Variants in SMARCA1 observed in about 807,000 individuals in gnomAD.
The protein encoded by SMARCA1 is SWI/SNF-related matrix-associated actin-dependent regulator of chromatin subfamily A member 1.
Under a neutral mutation model 93.6 loss-of-function variants are expected in SMARCA1, and 17 were observed. The ratio of observed to expected loss-of-function variants is 0.18; its 90% CI spans 0.12 to 0.27. The LOEUF (loss-of-function observed/expected upper bound fraction) is 0.27, where lower values mean the gene tolerates loss of function less well. Ranked by LOEUF, SMARCA1 falls within the 10% of genes least tolerant of loss-of-function variation. The pLI, the probability that SMARCA1 is intolerant of heterozygous loss-of-function variation, is 1.00. For missense variants in SMARCA1, 630 were observed against 819.0 expected (o/e 0.77, Z 2.82); for synonymous variants, 271 against 271.4 (o/e 1.00, Z 0.01).
At chrX:129,464,483 T>C (rs755464241) in intron 23 of SMARCA1, among the ~76,000 whole-genome samples, 1 of 112,606 alleles carries the variant, frequency 8.9e-6, no homozygotes, top group Admixed American at 9.4e-5. Context: ...ATGTGTTGCA[T>C]GTATTTCAAA....
intron 5 of SMARCA1, among the ~76,000 whole-genome samples, chrX:129,514,011 C>CATTTTATTA (rs1935103310): frequency 8.9e-6 from 1 of 112,692 alleles, no homozygotes; most frequent in Admixed American, 9.4e-5. Context: ...TCTTAAATCG[C>CATTTTATTA]ATTTTATTAA....
chrX:129,464,168 A>T (rs1026694906), intron 23 of SMARCA1, among the ~76,000 whole-genome samples: 8 of 111,955 alleles, frequency 7.1e-5, no homozygotes, highest in Non-Finnish European at 1.5e-4. Context: ...CTTCTAAAGC[A>T]TCTGCCAAAA....
At chrX:129,521,574 T>C (rs747272332) in intron 1 of SMARCA1, among the ~76,000 whole-genome samples, 1 of 111,667 alleles carries the variant, frequency 9.0e-6, no homozygotes, top group South Asian at 3.8e-4. Flanking sequence ...TCTCCCGTTT[T>C]TTCACAATAC....
chrX:129,467,586 T>C (rs1932948621), intron 21 of SMARCA1, among the ~76,000 whole-genome samples: 1 of 110,667 alleles, frequency 9.0e-6, no homozygotes, highest in African/African-American at 3.3e-5. Context: ...AATGTTATAT[T>C]ATATGTAATA....
chrX:129,476,945 T>C (rs993369157), intron 19 of SMARCA1, among the ~76,000 whole-genome samples: 4 of 111,847 alleles, frequency 3.6e-5, no homozygotes, highest in Admixed American at 9.5e-5. Context: ...TAGTTCCTAG[T>C]AAAGAATGGA....
At chrX:129,469,736 G>C (rs909869288) in intron 20 of SMARCA1, among the ~76,000 whole-genome samples, 1 of 111,810 alleles carries the variant, frequency 8.9e-6, no homozygotes, top group South Asian at 3.7e-4. Flanking sequence ...CATATACTAG[G>C]AGAAGCAGAA....
intron 23 of SMARCA1, among the ~76,000 whole-genome samples, chrX:129,458,413 T>C (rs1028857076): frequency 8.9e-6 from 1 of 112,231 alleles, no homozygotes; most frequent in Non-Finnish European, 1.9e-5. Flanking sequence ...TTTTAATGGT[T>C]TATGATTCTA....
At chrX:129,466,548 GGGAAGCTGAGGC>G (rs1373671951) in intron 21 of SMARCA1, among the ~76,000 whole-genome samples, 4 of 110,687 alleles carry the variant, frequency 3.6e-5, no homozygotes, top group Non-Finnish European at 7.6e-5. Context: ...GCAGCTACTC[GGGAAGCTGAGGC>G]GGGAGAATTG....
intron 21 of SMARCA1, among the ~76,000 whole-genome samples, chrX:129,466,198 C>T (rs376881413): frequency 4.5e-5 from 5 of 111,272 alleles, no homozygotes; most frequent in Non-Finnish European, 9.4e-5. Flanking sequence ...TGAAATAGTA[C>T]GGAGTCTTAC....
chrX:129,509,731 T>C (rs1934958715), intron 6 of SMARCA1, among the ~76,000 whole-genome samples: 2 of 111,502 alleles, frequency 1.8e-5, no homozygotes, highest in African/African-American at 6.5e-5. Context: ...GAAGACTCAC[T>C]CAACCCTACA....
intron 8 of SMARCA1, 52 bp downstream of exon 8, chrX:129,506,028 C>T (rs1934796984): frequency 1.6e-5 from 15 of 942,592 alleles, no homozygotes; most frequent in Non-Finnish European, 2.2e-5. Context: ...TTTTAAAACA[C>T]ATGTCAGTGA....
intron 19 of SMARCA1, among the ~76,000 whole-genome samples, chrX:129,479,524 G>A (rs1282514551): frequency 9.1e-6 from 1 of 109,568 alleles, no homozygotes; most frequent in Non-Finnish European, 1.9e-5. Context: ...AGCTTTTCTA[G>A]GCACATTCCA....
At chrX:129,489,111 A>G (rs374623574) in intron 15 of SMARCA1, 26 bp from the exon 16 acceptor site, 1 of 1,024,936 alleles carries the variant, frequency 9.8e-7, no homozygotes, top group African/African-American at 1.8e-5. Flanking sequence ...GAAATTGTAC[A>G]TATTCAATCA....
chrX:129,474,005 G>C lies in SMARCA1; in HGVS notation c.2443-2679C>G, dbSNP rs772223633. Among the ~76,000 whole-genome samples the C allele has an allele frequency of 2.7e-5, 3 of 111,817 alleles. No homozygotes were observed. In the South Asian group the frequency reaches 1.1e-3, roughly 42 times the overall value. ...GACTCTGGATAATGACATGCATGTT[G>C]AAGTGTTTCTGGGTAAAATGTACTT... On this transcript the variant is annotated intron_variant, in intron 19 of 24. Coordinates refer to ENST00000371121, the MANE Select transcript of SMARCA1 (RefSeq NM_001282874.2).
At chrX:129,520,278 T>C (rs5932632) in intron 1 of SMARCA1, among the ~76,000 whole-genome samples, 1,539 of 110,010 alleles carry the variant, frequency 0.014, 7 homozygotes, top group Non-Finnish European at 0.021. Context: ...GCCATGAGAA[T>C]GCAGCACAAG....
chrX:129,459,811 G>A (rs141763880), intron 23 of SMARCA1, among the ~76,000 whole-genome samples: 1 of 111,727 alleles, frequency 9.0e-6, no homozygotes, highest in African/African-American at 3.3e-5. Context: ...TTCACTGAAC[G>A]CCTACTCTGG....
chrX:129,496,733 T>A lies in SMARCA1; in HGVS notation c.1626+17A>T. 2.5e-6 allele frequency: 3 copies of A among 1,195,006 alleles called. No individual in the cohort carries two copies. Among genetic ancestry groups the A allele is most frequent in the Non-Finnish European group, 2.3e-6 (2 of 887,084 alleles). Reference sequence around the variant, plus strand: ...AACTCTGATTTCTGAAATCTTATTTTATTTTCTCTTCCTCACCTCTCTTTC... The same window carrying A: ...AACTCTGATTTCTGAAATCTTATTTAATTTTCTCTTCCTCACCTCTCTTTC... On this transcript the variant is annotated intron_variant, in intron 12 of 24. Coordinates refer to ENST00000371121, the MANE Select transcript of SMARCA1 (RefSeq NM_001282874.2).
chrX:129,482,186 T>TGGGGGGA (rs1933704188), intron 17 of SMARCA1, among the ~76,000 whole-genome samples: 1 of 47,334 alleles, frequency 2.1e-5, no homozygotes, highest in East Asian at 8.6e-4. Context: ...TGTTGTGGGG[T>TGGGGGGA]GGGGGGAGGG....
At chrX:129,458,477 T>C (rs1043815759) in intron 23 of SMARCA1, among the ~76,000 whole-genome samples, 5 of 112,225 alleles carry the variant, frequency 4.5e-5, no homozygotes, top group African/African-American at 1.6e-4. Flanking sequence ...TATGTATCTC[T>C]ACCTTTAATA....
Sources: allele counts gnomAD v4.1 joint callset (sites outside exome capture counted in the v4.1 genomes callset), GRCh38; gene constraint gnomAD v4.1.1; transcripts MANE v1.5; gene names NCBI Gene and HGNC (gene_info 2026-07-23, HGNC 2026-07-21).